CDK5RAP2: variants seen among roughly 807,000 people sequenced by gnomAD.
CDK5RAP2 encodes CDK5 regulatory subunit-associated protein 2.
CDK5RAP2 carries 147 observed loss-of-function variants against 232.9 expected under a neutral mutation model. The observed-to-expected ratio is 0.63, with a 90% CI of 0.55 to 0.72. CDK5RAP2 has a LOEUF of 0.72. Among genes scored for constraint, CDK5RAP2 ranks in the 30% least tolerant of loss-of-function variants. The pLI, the probability that CDK5RAP2 is intolerant of heterozygous loss-of-function variation, is 0.00. For synonymous variants in CDK5RAP2, 833 were observed against 833.7 expected, an observed-to-expected ratio of 1.00 and a Z score of 0.01; for missense variants, 2,195 against 2,231.5, an observed-to-expected ratio of 0.98 and a Z score of 0.33.
intron 22 of CDK5RAP2, among the ~76,000 whole-genome samples, chr9:120,445,213 T>A (rs1322376544): frequency 6.6e-6 from 1 of 152,206 alleles, no homozygotes; most frequent in Non-Finnish European, 1.5e-5. Context: ...AGCTCTCATA[T>A]CATGGGCCCA....
In CDK5RAP2 at chr9:120,400,892, G is replaced by A. The variant is rs774698258; in HGVS notation, c.5308-7C>T. 7.4e-6 allele frequency: 12 copies of A among 1,613,950 alleles called. No homozygotes were observed. The highest frequency in any genetic ancestry group is 4.5e-5 in the East Asian group (2 of 44,886). On this transcript the variant is annotated splice_polypyrimidine_tract_variant and splice_region_variant and intron_variant, in intron 34 of 37. Coordinates refer to ENST00000349780, the MANE Select transcript of CDK5RAP2 (RefSeq NM_018249.6). ...GTGGTGCTGGGTGTGGACCCTACAC[G>A]GGGGATATGAAGGCTGTTACGTGCA...
In CDK5RAP2 at chr9:120,422,648, C is replaced by A. The variant is rs753844691; in HGVS notation, c.4004+45G>T. ...TTAAAAGCTGGCAGGTAAATCAGAC[C>A]TAGAAAGTCCTGGGAAGTCTTCTTA... On this transcript the variant is annotated intron_variant, in intron 26 of 37. Transcript: ENST00000349780. 2.0e-6 allele frequency: 3 copies of A among 1,480,960 alleles called. No individual in the cohort carries two copies. In the Admixed American group the frequency reaches 5.0e-5, roughly 25 times the overall value. 91.7% of individuals were successfully genotyped at this position (1,480,960 alleles called of 1,614,324 possible).
intron 12 of CDK5RAP2, among the ~76,000 whole-genome samples, chr9:120,508,134 C>G (rs2039918362): frequency 6.6e-6 from 1 of 151,868 alleles, no homozygotes; most frequent in Non-Finnish European, 1.5e-5. Flanking sequence ...TATCAGGTTT[C>G]ACTGCGAGAA....
In CDK5RAP2 at chr9:120,394,647, A is replaced by T. The variant is rs1439980547; in HGVS notation, c.5452-9T>A. Reference sequence around the variant, plus strand: ...GCCTTCATTTCTCCAATCTAAAGAGAAGAGAAATTAGAAAAATGAACAAAG... The same window carrying T: ...GCCTTCATTTCTCCAATCTAAAGAGTAGAGAAATTAGAAAAATGAACAAAG... On this transcript the variant is annotated splice_polypyrimidine_tract_variant and intron_variant, in intron 35 of 37. Transcript: ENST00000349780. 1.3e-6 allele frequency: 2 copies of T among 1,596,756 alleles called. No homozygotes were observed. The highest frequency in any genetic ancestry group is 2.2e-5 in the South Asian group (2 of 90,724).
intron 26 of CDK5RAP2, among the ~76,000 whole-genome samples, chr9:120,421,962 G>A (rs943902959): frequency 6.6e-6 from 1 of 152,214 alleles, no homozygotes; most frequent in Non-Finnish European, 1.5e-5. Flanking sequence ...TATATGGTGA[G>A]AACTAGTAAA....
chr9:120,424,701 CTTT>C (rs779377396), intron 25 of CDK5RAP2, among the ~76,000 whole-genome samples: 14 of 136,370 alleles, frequency 1.0e-4, no homozygotes, highest in African/African-American at 1.4e-4. Context: ...TCTCACAGCT[CTTT>C]TTTTTTTTTT....
chr9:120,420,732 C>G (rs1290264020), intron 26 of CDK5RAP2, among the ~76,000 whole-genome samples: 1 of 152,176 alleles, frequency 6.6e-6, no homozygotes, highest in Non-Finnish European at 1.5e-5. Context: ...GCTCAGACAA[C>G]AGCAAAGACT....
chr9:120,438,706 T>A (rs1363974516), intron 24 of CDK5RAP2, among the ~76,000 whole-genome samples: 1 of 152,226 alleles, frequency 6.6e-6, no homozygotes, highest in Non-Finnish European at 1.5e-5. Context: ...CAACAGCCTT[T>A]CAATAATTAC....
At chr9:120,496,781 A>G (rs1588487349) in intron 12 of CDK5RAP2, among the ~76,000 whole-genome samples, 2 of 78,208 alleles carry the variant, frequency 2.6e-5, no homozygotes. Flanking sequence ...TCCAGGAGGG[A>G]GGTGGGGGGG....
chr9:120,419,561 G>A (rs994549874), intron 27 of CDK5RAP2, among the ~76,000 whole-genome samples: 9 of 152,210 alleles, frequency 5.9e-5, no homozygotes, highest in East Asian at 3.9e-4. Context: ...ATATTAAGTC[G>A]TCATTTAAAA....
intron 5 of CDK5RAP2, among the ~76,000 whole-genome samples, chr9:120,541,517 G>T (rs1166108621): frequency 6.6e-6 from 1 of 152,062 alleles, no homozygotes; most frequent in Non-Finnish European, 1.5e-5. Context: ...TATTATTTTT[G>T]TTTGTGTTTT....
chr9:120,409,417 T>C, intron 29 of CDK5RAP2, 101 bp from the exon 30 acceptor site: 1 of 887,598 alleles, frequency 1.1e-6, no homozygotes, highest in East Asian at 2.6e-5. Context: ...AGAATGAGAT[T>C]CGATCTGGCA....
intron 18 of CDK5RAP2, among the ~76,000 whole-genome samples, chr9:120,461,077 C>T (rs2037064100): frequency 6.6e-6 from 1 of 152,212 alleles, no homozygotes; most frequent in Non-Finnish European, 1.5e-5. Flanking sequence ...TTGAAAATAT[C>T]AAACAGCAAG....
At chr9:120,418,852 G>A (rs2034393724) in intron 27 of CDK5RAP2, among the ~76,000 whole-genome samples, 1 of 152,124 alleles carries the variant, frequency 6.6e-6, no homozygotes, top group South Asian at 2.1e-4. Flanking sequence ...GGCCACCATG[G>A]GACAAAGGCA....
intron 14 of CDK5RAP2, among the ~76,000 whole-genome samples, chr9:120,481,176 T>C (rs2038285795): frequency 6.6e-6 from 1 of 152,226 alleles, no homozygotes; most frequent in Non-Finnish European, 1.5e-5. Flanking sequence ...GAGGAAACTG[T>C]GACACACAAG....
chr9:120,390,519 G>C (rs2031845395), intron 36 of CDK5RAP2, among the ~76,000 whole-genome samples: 1 of 152,200 alleles, frequency 6.6e-6, no homozygotes, highest in Admixed American at 6.5e-5. Context: ...ATTCCCAGGA[G>C]GGGCAGGCGA....
At chr9:120,496,701 C>G (rs2039278464) in intron 12 of CDK5RAP2, among the ~76,000 whole-genome samples, 1 of 130,136 alleles carries the variant, frequency 7.7e-6, no homozygotes, top group Non-Finnish European at 1.6e-5. Context: ...GGGTCAGCCC[C>G]CTGCCCGGCC....
At chr9:120,475,997 G>A (rs1187679190) in intron 15 of CDK5RAP2, among the ~76,000 whole-genome samples, 1 of 152,110 alleles carries the variant, frequency 6.6e-6, no homozygotes, top group African/African-American at 2.4e-5. Context: ...CCTGACAAAT[G>A]TAACATTCAA....
chr9:120,473,769 A>AG (rs1194654333), intron 15 of CDK5RAP2, among the ~76,000 whole-genome samples: 3 of 152,216 alleles, frequency 2.0e-5, no homozygotes, highest in Non-Finnish European at 4.4e-5. Flanking sequence ...TTAACCAGGG[A>AG]GAAAAAAAGA....
Sources: allele counts gnomAD v4.1 joint callset (sites outside exome capture counted in the v4.1 genomes callset), GRCh38; gene constraint gnomAD v4.1.1; transcripts MANE v1.5; gene names NCBI Gene and HGNC (gene_info 2026-07-23, HGNC 2026-07-21).